PTPRG: variants seen among roughly 807,000 people sequenced by gnomAD.
PTPRG encodes protein tyrosine phosphatase receptor type G, also known as receptor-type tyrosine-protein phosphatase gamma.
In PTPRG, 102 loss-of-function variants were observed where a neutral mutation model predicts 165.3. The ratio of observed to expected loss-of-function variants is 0.62; its 90% CI spans 0.53 to 0.73. The LOEUF is 0.73. Ranked by LOEUF, PTPRG falls within the 30% of genes least tolerant of loss-of-function variation. PTPRG has a pLI of 0.00. For missense variants in PTPRG, 1,866 were observed against 1,861.4 expected, an observed-to-expected ratio of 1.00 and a Z score of -0.05; for synonymous variants, 675 against 669.5, an observed-to-expected ratio of 1.01 and a Z score of -0.13.
chr3:61,619,622 T>C (rs762224661), intron 1 of PTPRG, among the ~76,000 whole-genome samples: 3 of 152,220 alleles, frequency 2.0e-5, no homozygotes, highest in African/African-American at 4.8e-5. Flanking sequence ...AAAATGGGCT[T>C]GGGTTCAACA....
intron 1 of PTPRG, among the ~76,000 whole-genome samples, chr3:61,621,727 T>C (rs867884138): frequency 2.0e-5 from 3 of 152,200 alleles, no homozygotes; most frequent in Non-Finnish European, 2.9e-5. Context: ...AATTATAGTA[T>C]TTGGATGAGT....
rs1205895328 is a variant in PTPRG at position 62,294,101 on chromosome 3, T to G, written c.*794T>G. 1 of 152,262 alleles carries G rather than the reference T, an allele frequency of 6.6e-6. No homozygotes were observed. The highest frequency in any genetic ancestry group is 1.5e-5 in the Non-Finnish European group (1 of 67,994). The allele number at this position is 152,262 out of a possible 1,614,324, so 9.4% of individuals were successfully genotyped here. A position where few individuals can be genotyped will look rare whatever the true frequency, so the allele number is the denominator to read the frequency against. On this transcript the variant is annotated 3_prime_UTR_variant, in exon 30 of 30. Transcript: ENST00000474889. ...CTAAAATCAGGGCTATCTTTAACAATAGCAAGATAGCAATATTATATACAA... is the reference window on the plus strand; with the variant it reads ...CTAAAATCAGGGCTATCTTTAACAAGAGCAAGATAGCAATATTATATACAA...
chr3:61,964,763 C>A (rs2040229725), intron 2 of PTPRG, among the ~76,000 whole-genome samples: 1 of 152,210 alleles, frequency 6.6e-6, no homozygotes, highest in Admixed American at 6.5e-5. Context: ...AGGCTTTGTT[C>A]TCTCTGCTTT....
chr3:62,073,859 C>G (rs931000276), intron 4 of PTPRG, among the ~76,000 whole-genome samples: 1 of 152,034 alleles, frequency 6.6e-6, no homozygotes, highest in African/African-American at 2.4e-5. Flanking sequence ...AGTAACTGTT[C>G]CGGATGAAGA....
At chr3:62,074,673 C>T (rs1026818467) in intron 4 of PTPRG, among the ~76,000 whole-genome samples, 1 of 152,074 alleles carries the variant, frequency 6.6e-6, no homozygotes, top group Non-Finnish European at 1.5e-5. Context: ...ACGTACACCA[C>T]GTTTCTTCAT....
At chr3:61,699,969 T>C (rs2030863088) in intron 1 of PTPRG, among the ~76,000 whole-genome samples, 1 of 152,190 alleles carries the variant, frequency 6.6e-6, no homozygotes, top group Admixed American at 6.5e-5. Context: ...GAACAAATAT[T>C]TCCTACTTAA....
Position 62,272,965 on chromosome 3 carries a change from G to A in PTPRG, c.3202G>A (p.Gly1068Ser). 3 of 1,612,570 alleles carry A rather than the reference G, an allele frequency of 1.9e-6. No individual in the cohort carries two copies. The highest frequency in any genetic ancestry group is 2.2e-5 in the South Asian group (2 of 90,718). Residue 1068 changes from glycine to serine, a missense_variant, in exon 22 of 30, where the codon GGC becomes AGC. Around this residue, in one of 3 missense-constraint regions of PTPRG, gnomAD observed 1,452 missense variants for 1,463.0 expected, o/e 0.99. Transcript: ENST00000474889. ...TTACAGTGCTGGTGTGGGCAGAACA[G>A]GCACCTATATTGTAATAGACAGCAT... Reference protein sequence around the residue: ...VHCSAGVGRTGTYIVIDSMLQ... With the variant: ...VHCSAGVGRTSTYIVIDSMLQ...
intron 2 of PTPRG, among the ~76,000 whole-genome samples, chr3:61,831,147 A>G (rs1015984722): frequency 6.6e-6 from 1 of 152,234 alleles, no homozygotes; most frequent in Admixed American, 6.5e-5. Context: ...ATAAAAAGAT[A>G]CTGATACTGA....
intron 7 of PTPRG, among the ~76,000 whole-genome samples, chr3:62,165,494 G>A (rs768174474): frequency 1.4e-4 from 22 of 152,094 alleles, no homozygotes; most frequent in Non-Finnish European, 2.8e-4. Context: ...TAATTTTTCT[G>A]TCATGTCTTG....
chr3:62,256,225 G>C (rs1180766059), intron 16 of PTPRG, among the ~76,000 whole-genome samples: 1 of 152,140 alleles, frequency 6.6e-6, no homozygotes, highest in African/African-American at 2.4e-5. Context: ...AGATCATCTA[G>C]GAGTCATACA....
chr3:61,916,746 G>A (rs985270810), intron 2 of PTPRG, among the ~76,000 whole-genome samples: 1 of 152,078 alleles, frequency 6.6e-6, no homozygotes, highest in African/African-American at 2.4e-5. Context: ...GAGCTATTAT[G>A]ATGTCCATTT....
intron 2 of PTPRG, among the ~76,000 whole-genome samples, chr3:61,837,978 C>T (rs1352892635): frequency 6.6e-6 from 1 of 152,156 alleles, no homozygotes; most frequent in African/African-American, 2.4e-5. Flanking sequence ...ATCAGGCCCC[C>T]GACACTTTTG....
At chr3:61,625,473 T>G (rs1266957239) in intron 1 of PTPRG, among the ~76,000 whole-genome samples, 1 of 152,132 alleles carries the variant, frequency 6.6e-6, no homozygotes, top group African/African-American at 2.4e-5. Flanking sequence ...ATGGGGCCAT[T>G]TACATTTCCA....
intron 2 of PTPRG, among the ~76,000 whole-genome samples, chr3:61,798,258 C>G (rs2035117086): frequency 6.6e-6 from 1 of 152,172 alleles, no homozygotes; most frequent in Non-Finnish European, 1.5e-5. Flanking sequence ...ATAGATACAA[C>G]TGTAGCTATA....
At chr3:62,039,269 GTT>G (rs5849458) in intron 4 of PTPRG, among the ~76,000 whole-genome samples, 1 of 144,106 alleles carries the variant, frequency 6.9e-6, no homozygotes, top group Non-Finnish European at 1.5e-5. Flanking sequence ...TTTTGTTTTT[GTT>G]TTTTTTTTTA....
intron 1 of PTPRG, among the ~76,000 whole-genome samples, chr3:61,583,981 A>G (rs1467867644): frequency 6.6e-6 from 1 of 152,264 alleles, no homozygotes; most frequent in Admixed American, 6.5e-5. Context: ...TGAGAAGGAC[A>G]GGAACCTTCT....
chr3:61,884,553 G>A (rs2037976021), intron 2 of PTPRG, among the ~76,000 whole-genome samples: 1 of 152,210 alleles, frequency 6.6e-6, no homozygotes, highest in South Asian at 2.1e-4. Flanking sequence ...ATCAAGAAAA[G>A]TGAGAAGATA....
At chr3:61,807,694 A>G (rs1448158779) in intron 2 of PTPRG, among the ~76,000 whole-genome samples, 1 of 152,220 alleles carries the variant, frequency 6.6e-6, no homozygotes. Context: ...AGAATCATAA[A>G]TGTGTTCATG....
intron 5 of PTPRG, among the ~76,000 whole-genome samples, chr3:62,129,088 G>A (rs1037467565): frequency 2.6e-5 from 4 of 152,070 alleles, no homozygotes; most frequent in South Asian, 2.1e-4. Flanking sequence ...CAGTGAAGAC[G>A]ATGGGAGCTG....
Sources: allele counts gnomAD v4.1 joint callset (sites outside exome capture counted in the v4.1 genomes callset), GRCh38; gene constraint gnomAD v4.1.1; regional missense constraint gnomAD v4.1.1; transcripts MANE v1.5; gene names NCBI Gene and HGNC (gene_info 2026-07-23, HGNC 2026-07-21).